Variants in P2RX7 observed in about 807,000 individuals in gnomAD.
P2RX7 encodes P2X purinoceptor 7.
Under a neutral mutation model 71.6 loss-of-function variants are expected in P2RX7, and 62 were observed. That is an observed-to-expected ratio of 0.87 (90% confidence interval 0.71 to 1.07). P2RX7 has a LOEUF of 1.07. P2RX7 is among the 50% of genes least tolerant of loss of function. The probability of loss-of-function intolerance (pLI) is 0.00; values close to 1 mark genes in which losing one functional copy is unlikely to be tolerated. For missense variants in P2RX7, 686 were observed against 748.5 expected, an observed-to-expected ratio of 0.92 and a Z score of 0.97; for synonymous variants, 299 against 283.3, an observed-to-expected ratio of 1.06 and a Z score of -0.56.
At chr12:121,162,314 G>A in intron 4 of P2RX7, 110 bp from the exon 5 acceptor site, 1 of 1,490,356 alleles carries the variant, frequency 6.7e-7, no homozygotes, top group Non-Finnish European at 8.9e-7. Flanking sequence ...TGGAAAGCCT[G>A]GTCAAAGCCT....
chr12:121,179,792 T>TG (rs1397266155), intron 11 of P2RX7, among the ~76,000 whole-genome samples: 3 of 152,144 alleles, frequency 2.0e-5, no homozygotes, highest in East Asian at 1.9e-4. Context: ...ATGCAGCAAC[T>TG]GGGGGGTCCA....
At chr12:121,155,487 T>G (rs1243782845) in intron 2 of P2RX7, 3 of 1,003,566 alleles carry the variant, frequency 3.0e-6, no homozygotes, top group Non-Finnish European at 4.1e-6. Context: ...AAAGCAGAAT[T>G]GCCAAAAAAG....
chr12:121,155,426 C>A, intron 2 of P2RX7: 1 of 1,269,394 alleles, frequency 7.9e-7, no homozygotes, highest in Non-Finnish European at 1.0e-6. Context: ...AGAAAGGCAT[C>A]GGTCACTGAG....
intron 1 of P2RX7, among the ~76,000 whole-genome samples, chr12:121,153,032 A>G (rs1172854891): frequency 6.6e-6 from 1 of 152,204 alleles, no homozygotes; most frequent in Non-Finnish European, 1.5e-5. Context: ...TGTACTTGCT[A>G]TTGTCAAATC....
At chr12:121,162,978 G>A (rs1165338604) in intron 5 of P2RX7, among the ~76,000 whole-genome samples, 2 of 144,574 alleles carry the variant, frequency 1.4e-5, no homozygotes, top group African/African-American at 2.8e-5. Context: ...GGTAAAAGAG[G>A]GGGGGAAGGA....
Position 121,185,029 on chromosome 12 carries a change from G to C in P2RX7, c.*227G>C. 2.1e-6 allele frequency: 1 copy of C among 475,442 alleles called. No individual in the cohort carries two copies. The highest frequency in any genetic ancestry group is 2.7e-5 in the South Asian group (1 of 37,022). 29.5% of individuals were successfully genotyped at this position (475,442 alleles called of 1,614,324 possible). On this transcript the variant is annotated 3_prime_UTR_variant, in exon 13 of 13. Transcript: ENST00000328963. The stretch of plus-strand genomic sequence containing the variant: ...GAACCCGGGAGGCAGAGGTTGTAGT[G>C]AGCCCAGATTGTGCCACTGCTCTCC...
intron 8 of P2RX7, among the ~76,000 whole-genome samples, chr12:121,173,830 G>A (rs1272834955): frequency 6.6e-6 from 1 of 152,122 alleles, no homozygotes; most frequent in Non-Finnish European, 1.5e-5. Context: ...TGGAGGGTTT[G>A]TAATATGATT....
At chr12:121,184,179 A>G (rs1884599543) in intron 12 of P2RX7, 126 bp from the exon 13 acceptor site, 1 of 1,166,388 alleles carries the variant, frequency 8.6e-7, no homozygotes, top group East Asian at 2.6e-5. Context: ...TGATATCTAC[A>G]CCTAATAAAT....
intron 9 of P2RX7, 50 bp downstream of exon 9, chr12:121,175,528 T>C (rs910842638): frequency 6.0e-6 from 5 of 837,350 alleles, no homozygotes; most frequent in African/African-American, 5.0e-5. Context: ...GACTGTGTCC[T>C]AATTACTGCT....
chr12:121,167,911 C>T (rs1039669087), intron 8 of P2RX7, among the ~76,000 whole-genome samples: 1 of 151,688 alleles, frequency 6.6e-6, no homozygotes. Context: ...CTCCCAGGTT[C>T]AAGCGACTCT....
Position 121,184,292 on chromosome 12 carries a change from C to T in P2RX7, c.1291-13C>T, listed in dbSNP as rs201968894. 1 of 1,575,350 alleles carries T rather than the reference C, an allele frequency of 6.3e-7. No homozygotes were observed. Among genetic ancestry groups the T allele is most frequent in the Non-Finnish European group, 8.6e-7 (1 of 1,160,678 alleles). On this transcript the variant is annotated splice_polypyrimidine_tract_variant and intron_variant, in intron 12 of 12. Coordinates refer to ENST00000328963, the MANE Select transcript of P2RX7 (RefSeq NM_002562.6). ...TTGTCATGGCTAATAGGTTTGGAAA[C>T]TTGCTTTTTCAGAGACCTGCGATGG...
chr12:121,173,606 G>A (rs1882577443), intron 8 of P2RX7, among the ~76,000 whole-genome samples: 1 of 152,228 alleles, frequency 6.6e-6, no homozygotes, highest in South Asian at 2.1e-4. Flanking sequence ...CGCTCAAGAG[G>A]CAGAATAAAG....
At position 121,135,091 on chromosome 12, in the gene P2RX7, A is replaced by G. The variant is rs552801921; in HGVS notation, c.125+1996A>G. ...AGTGGTGGCTCACACCTGTAATCCC[A>G]ACACTTTGGGAGGCCAAGGCGGGTG... On this transcript the variant is annotated intron_variant, in intron 1 of 12. Coordinates refer to ENST00000328963, the MANE Select transcript of P2RX7 (RefSeq NM_002562.6). Among the ~76,000 whole-genome samples the G allele has an allele frequency of 2.0e-5, 3 of 152,288 alleles. 1 individual carries two copies. The highest frequency in any genetic ancestry group is 7.2e-5 in the African/African-American group (3 of 41,556).
chr12:121,143,553 GAA>G (rs140924868), intron 1 of P2RX7, among the ~76,000 whole-genome samples: 1 of 141,184 alleles, frequency 7.1e-6, no homozygotes, highest in Non-Finnish European at 1.6e-5. Context: ...GACCCTATCT[GAA>G]AAAAAAAAAA....
At chr12:121,176,228 A>AACACACACACACACAC (rs56222751) in intron 9 of P2RX7, among the ~76,000 whole-genome samples, 1,790 of 140,792 alleles carry the variant, frequency 0.013, 21 homozygotes, top group Middle Eastern at 0.032. Flanking sequence ...CAGCCCCTTC[A>AACACACACACACACAC]ACACACACAC....
chr12:121,166,016 A>G (rs201581417), intron 6 of P2RX7, 42 bp from the exon 7 acceptor site: 8 of 1,584,508 alleles, frequency 5.0e-6, no homozygotes, highest in East Asian at 2.2e-5. Context: ...TCTGTTTTCA[A>G]TCGAGATGTT....
Position 121,160,962 on chromosome 12 carries a change from C to G in P2RX7, c.424C>G (p.Pro142Ala). The G allele has an allele frequency of 6.2e-7, 1 of 1,613,450 alleles. No homozygotes were observed. Among genetic ancestry groups the G allele is most frequent in the Non-Finnish European group, 8.5e-7 (1 of 1,179,382 alleles). Reference sequence around the variant, plus strand: ...AGGTTGTAAAAAGGGATGGATGGACCCGCAGAGCAAAGGTACCTTCTGTTT... The same window carrying G: ...AGGTTGTAAAAAGGGATGGATGGACGCGCAGAGCAAAGGTACCTTCTGTTT... ...DRGCKKGWMDPQSKGIQTGRC... is the reference protein window; with the variant it reads ...DRGCKKGWMDAQSKGIQTGRC... Residue 142 changes from proline to alanine, a missense_variant, in exon 4 of 13, where the codon CCG becomes GCG. Physicochemically the swap from Pro to Ala is conservative, Grantham distance 27. Coordinates refer to ENST00000328963, the MANE Select transcript of P2RX7 (RefSeq NM_002562.6).
intron 1 of P2RX7, among the ~76,000 whole-genome samples, chr12:121,146,289 T>C (rs925083657): frequency 1.6e-4 from 10 of 62,100 alleles, no homozygotes; most frequent in African/African-American, 4.2e-4. Context: ...AAGCCTCTCT[T>C]TTTTTTTTTT....
chr12:121,163,275 T>C (rs1197634900), intron 5 of P2RX7, among the ~76,000 whole-genome samples: 1 of 151,472 alleles, frequency 6.6e-6, no homozygotes, highest in Non-Finnish European at 1.5e-5. Context: ...AAGGATTAAA[T>C]GAGATGATAC....
Sources: allele counts gnomAD v4.1 joint callset (sites outside exome capture counted in the v4.1 genomes callset), GRCh38; gene constraint gnomAD v4.1.1; transcripts MANE v1.5; gene names NCBI Gene and HGNC (gene_info 2026-07-23, HGNC 2026-07-21).